EP300: variants seen among roughly 807,000 people sequenced by gnomAD.
The protein encoded by EP300 is histone acetyltransferase p300.
A neutral mutation model predicts 264.0 loss-of-function variants in EP300; 31 were observed. The ratio of observed to expected loss-of-function variants is 0.12; its 90% CI spans 0.09 to 0.16. EP300 has a LOEUF of 0.16. Ranked by LOEUF, EP300 falls within the 10% of genes least tolerant of loss-of-function variation. The pLI is 1.00. For synonymous variants in EP300, 1,340 were observed against 1,045.4 expected (o/e 1.28, Z -5.44); for missense variants, 2,766 against 3,052.9 (o/e 0.91, Z 2.21).
At position 41,127,606 on chromosome 22, in the gene EP300, T is replaced by C. The variant is rs1836132152; in HGVS notation, c.1026T>C (p.Leu342=). 6.2e-7 allele frequency: 1 copy of C among 1,614,134 alleles called. No homozygotes were observed. The highest frequency in any genetic ancestry group is 1.7e-5 in the Admixed American group (1 of 60,010). The part of the protein sequence containing the change: ...PEKRKLIQQQ[L]VLLLHAHKCQ... Reference sequence around the variant, plus strand: ...AGCGCAAGCTCATCCAGCAGCAGCTTGTTCTCCTTTTGCATGCTCACAAGT... The same window carrying C: ...AGCGCAAGCTCATCCAGCAGCAGCTCGTTCTCCTTTTGCATGCTCACAAGT... The change falls in exon 4 of 31, where the codon CTT becomes CTC. Residue 342 remains leucine (L), a synonymous_variant. Transcript: ENST00000263253.
chr22:41,137,939 T>TTGC (rs994500307), intron 8 of EP300, 149 bp downstream of exon 8: 4 of 1,113,546 alleles, frequency 3.6e-6, no homozygotes, highest in East Asian at 2.6e-5. Flanking sequence ...TGTGGATTTC[T>TTGC]TGCTGCTGCT....
In EP300 at chr22:41,146,723, C is replaced by A; in HGVS notation, c.2054-16C>A. On this transcript the variant is annotated splice_polypyrimidine_tract_variant and intron_variant, in intron 10 of 30. Coordinates refer to ENST00000263253, the MANE Select transcript of EP300 (RefSeq NM_001429.4). ...GAAGATGGTGCAAAGATACTTATTT[C>A]TCTTTTTTACTCTAGATGGCCCTCT... 6.8e-6 allele frequency: 11 copies of A among 1,612,472 alleles called. No homozygotes were observed. Among genetic ancestry groups the A allele is most frequent in the Non-Finnish European group, 7.6e-6 (9 of 1,178,452 alleles).
intron 18 of EP300, 104 bp downstream of exon 18, chr22:41,157,512 C>CTTTTTTT (rs1214250106): frequency 6.8e-6 from 3 of 444,386 alleles, no homozygotes; most frequent in Non-Finnish European, 1.1e-5. Flanking sequence ...TTTGACATGG[C>CTTTTTTT]TTTTTTTTTT....
At chr22:41,104,311 A>G (rs894605521) in intron 1 of EP300, among the ~76,000 whole-genome samples, 1 of 151,180 alleles carries the variant, frequency 6.6e-6, no homozygotes, top group African/African-American at 2.4e-5. Context: ...TTTTTTTCAT[A>G]CAGAGTCTTG....
At chr22:41,135,655 A>T (rs1258863272) in intron 6 of EP300, among the ~76,000 whole-genome samples, 158 bp from the exon 7 acceptor site, 5 of 152,052 alleles carry the variant, frequency 3.3e-5, no homozygotes, top group Non-Finnish European at 7.3e-5. Flanking sequence ...GCTTCAAATC[A>T]GCCTTTACAT....
intron 1 of EP300, among the ~76,000 whole-genome samples, chr22:41,096,528 G>C (rs2058703067): frequency 1.3e-5 from 2 of 151,416 alleles, no homozygotes; most frequent in South Asian, 4.2e-4. Context: ...AGGGCAGATA[G>C]TGTGTAAAGT....
At chr22:41,121,237 C>T (rs1300166752) in intron 2 of EP300, among the ~76,000 whole-genome samples, 2 of 152,128 alleles carry the variant, frequency 1.3e-5, no homozygotes, top group African/African-American at 4.8e-5. Flanking sequence ...GTGGCTTCCT[C>T]ACCCTCTCCT....
At chr22:41,168,681 T>G (rs2145763180) in intron 24 of EP300, 40 bp from the exon 25 acceptor site, 1 of 1,614,284 alleles carries the variant, frequency 6.2e-7, no homozygotes, top group Non-Finnish European at 8.5e-7. Context: ...CCAGTCTGAA[T>G]GAGTTATGTT....
In EP300 at chr22:41,129,731, T is replaced by G. The variant is rs1601606001; in HGVS notation, c.1169-159T>G. 2.0e-5 allele frequency among the ~76,000 whole-genome samples: 3 copies of G among 152,338 alleles called. 1 individual carries two copies. The East Asian group carries it at 5.8e-4, about 29-fold the overall frequency. On this transcript the variant is annotated intron_variant, in intron 4 of 30. Coordinates refer to ENST00000263253, the MANE Select transcript of EP300 (RefSeq NM_001429.4). ...ACCCATTCTTTTTGCCTTTCTTGAC[T>G]GTGAATTCTGAGTATTAATAGGAGC...
intron 1 of EP300, among the ~76,000 whole-genome samples, chr22:41,109,263 A>C (rs545761279): frequency 4.0e-5 from 6 of 151,682 alleles, no homozygotes; most frequent in Non-Finnish European, 7.4e-5. Context: ...CAAAAAAAAA[A>C]AAAAACAAAA....
At chr22:41,151,749 A>G (rs2059046649) in intron 14 of EP300, 84 bp from the exon 15 acceptor site, 6 of 1,392,142 alleles carry the variant, frequency 4.3e-6, no homozygotes, top group African/African-American at 1.4e-5. Context: ...TAATTCTGCT[A>G]TCCTGTTGCT....
At chr22:41,153,113 AGT>A (rs1392709814) in intron 16 of EP300, among the ~76,000 whole-genome samples, 5 of 152,296 alleles carry the variant, frequency 3.3e-5, no homozygotes, top group Non-Finnish European at 7.4e-5. Flanking sequence ...AGCAAAGTTA[AGT>A]AACTTTCCAC....
At chr22:41,170,630 C>A (rs2059164162) in intron 27 of EP300, 59 bp downstream of exon 27, 2 of 1,128,896 alleles carry the variant, frequency 1.8e-6, no homozygotes, top group Non-Finnish European at 2.7e-6. Context: ...ACTAATGTTG[C>A]TGCTCTTTGT....
At chr22:41,173,936 A>T in intron 29 of EP300, 152 bp downstream of exon 29, 1 of 863,004 alleles carries the variant, frequency 1.2e-6, no homozygotes, top group Non-Finnish European at 1.9e-6. Flanking sequence ...ACACGGTGAA[A>T]CCTTGCTCTA....
At chr22:41,164,668 T>G (rs185148992) in intron 22 of EP300, among the ~76,000 whole-genome samples, 3 of 152,216 alleles carry the variant, frequency 2.0e-5, no homozygotes, top group Admixed American at 1.3e-4. Context: ...TGAGCTGAGA[T>G]CACGCCACTG....
chr22:41,135,662 A>G (rs1185344245), intron 6 of EP300, 151 bp from the exon 7 acceptor site: 1 of 652,624 alleles, frequency 1.5e-6, no homozygotes, highest in Non-Finnish European at 2.8e-6. Flanking sequence ...ATCAGCCTTT[A>G]CATATGTGTT....
intron 5 of EP300, among the ~76,000 whole-genome samples, chr22:41,130,254 TAAA>T (rs11388493): frequency 6.7e-5 from 9 of 134,836 alleles, no homozygotes; most frequent in Admixed American, 7.5e-5. Flanking sequence ...CTGCCTCAAT[TAAA>T]AAAAAAAAAA....
intron 23 of EP300, among the ~76,000 whole-genome samples, chr22:41,167,859 A>T (rs1225131645): frequency 1.1e-5 from 1 of 87,290 alleles, no homozygotes. Context: ...TTTGAGACAG[A>T]GTCTCGCTGT....
chr22:41,109,821 C>G (rs977032343), intron 1 of EP300, among the ~76,000 whole-genome samples: 1 of 151,330 alleles, frequency 6.6e-6, no homozygotes, highest in Non-Finnish European at 1.5e-5. Flanking sequence ...ACCTCCCCAC[C>G]ACCACCCCCC....
Sources: gnomAD v4.1 joint callset for allele counts (sites outside exome capture counted in the v4.1 genomes callset) on GRCh38, gnomAD v4.1.1 for gene constraint, MANE v1.5 for transcripts, NCBI Gene and HGNC (gene_info 2026-07-23, HGNC 2026-07-21) for gene names.